Variants in RUNDC3B observed in about 807,000 individuals in gnomAD.
RUNDC3B encodes the protein RUN domain containing 3B.
A neutral mutation model predicts 58.4 loss-of-function variants in RUNDC3B; 33 were observed. That is an observed-to-expected ratio of 0.56 (90% CI 0.43 to 0.75). The LOEUF is 0.75. Ranked by LOEUF, RUNDC3B falls within the 30% of genes least tolerant of loss-of-function variation. RUNDC3B has a pLI of 0.00. For synonymous variants in RUNDC3B, 193 were observed against 195.2 expected (o/e 0.99, Z 0.10); for missense variants, 501 against 535.7 (o/e 0.94, Z 0.64).
At chr7:87,730,187 T>C (rs1831495274) in intron 4 of RUNDC3B, among the ~76,000 whole-genome samples, 1 of 152,216 alleles carries the variant, frequency 6.6e-6, no homozygotes, top group Admixed American at 6.5e-5. Context: ...AGACTCCTTC[T>C]GGTTGAGAAA....
chr7:87,790,163 C>T (rs1003512259), intron 8 of RUNDC3B, among the ~76,000 whole-genome samples: 1 of 152,198 alleles, frequency 6.6e-6, no homozygotes, highest in African/African-American at 2.4e-5. Context: ...ACCCCCAGTT[C>T]CAGGTGGCTG....
chr7:87,745,278 C>A (rs1358284603), intron 6 of RUNDC3B, among the ~76,000 whole-genome samples: 4 of 152,054 alleles, frequency 2.6e-5, no homozygotes, highest in Non-Finnish European at 5.9e-5. Context: ...CTGTAGTTTT[C>A]TTTTTTGATT....
chr7:87,819,182 A>C (rs1837260109), intron 10 of RUNDC3B, among the ~76,000 whole-genome samples: 1 of 152,182 alleles, frequency 6.6e-6, no homozygotes, highest in South Asian at 2.1e-4. Context: ...ATTATTCAGT[A>C]AGATTAACAA....
chr7:87,733,726 A>G (rs1831742973), intron 4 of RUNDC3B, among the ~76,000 whole-genome samples: 1 of 152,152 alleles, frequency 6.6e-6, no homozygotes, highest in Non-Finnish European at 1.5e-5. Context: ...GATCTTTAAC[A>G]TGTGCAGTTC....
At chr7:87,755,177 C>A (rs1166063119) in intron 6 of RUNDC3B, among the ~76,000 whole-genome samples, 1 of 151,944 alleles carries the variant, frequency 6.6e-6, no homozygotes, top group Non-Finnish European at 1.5e-5. Flanking sequence ...TGCACACCAC[C>A]ACACCTGGCT....
intron 10 of RUNDC3B, among the ~76,000 whole-genome samples, chr7:87,822,230 C>T (rs1190334779): frequency 2.6e-5 from 4 of 152,064 alleles, no homozygotes; most frequent in African/African-American, 9.7e-5. Context: ...GGGCGAAGGA[C>T]ATGAACAGAC....
intron 4 of RUNDC3B, among the ~76,000 whole-genome samples, chr7:87,728,508 A>C (rs1413105289): frequency 6.6e-6 from 1 of 152,148 alleles, no homozygotes; most frequent in Non-Finnish European, 1.5e-5. Context: ...GGGAGAATTA[A>C]TTTCTTGCCT....
chr7:87,772,819 T>C (rs1834354413), intron 7 of RUNDC3B, among the ~76,000 whole-genome samples: 2 of 152,230 alleles, frequency 1.3e-5, no homozygotes, highest in African/African-American at 4.8e-5. Flanking sequence ...GATAAACTCT[T>C]AGATTTTTTG....
rs1226549428 is a variant in RUNDC3B at position 87,628,572 on chromosome 7, GGTGCGTGC to G, written c.-244_-237del. The G allele has an allele frequency of 3.1e-5, 10 of 326,796 alleles. No individual in the cohort carries two copies. Among genetic ancestry groups the G allele is most frequent in the African/African-American group, 1.6e-4 (7 of 43,096 alleles). 20.2% of individuals were successfully genotyped at this position (326,796 alleles called of 1,614,324 possible). On this transcript the variant is annotated 5_prime_UTR_variant, in exon 1 of 11. Coordinates refer to ENST00000394654, the MANE Select transcript of RUNDC3B (RefSeq NM_001134405.2). ...TCGGCGGCGCGCCGAGGGCGGAGGTGGTGCGTGCGTGCGTGTGTGTGTGTGTGTGTGTG... is the reference window on the plus strand; with the variant it reads ...TCGGCGGCGCGCCGAGGGCGGAGGTGGTGCGTGTGTGTGTGTGTGTGTGTG...
In RUNDC3B at chr7:87,778,205, G is replaced by C. The variant is rs2285648; in HGVS notation, c.956+250G>C. ...TATCTGTAATCCCCCCACTGGGGAG[G>C]CTGAGTTGGGCAGATTGCTTGGGCC... On this transcript the variant is annotated intron_variant, in intron 8 of 10. Transcript: ENST00000394654. Among the ~76,000 whole-genome samples the C allele has an allele frequency of 3.2e-3, 481 of 152,278 alleles. 6 individuals are homozygous for C. In the East Asian group the frequency reaches 0.049, roughly 16 times the overall value.
At chr7:87,823,056 A>T (rs79726764) in intron 10 of RUNDC3B, among the ~76,000 whole-genome samples, 16,032 of 151,338 alleles carry the variant, frequency 0.11, 1,078 homozygotes, top group African/African-American at 0.19. Flanking sequence ...AAATAAAATT[A>T]AAAAAAAAGA....
At chr7:87,714,718 A>G (rs1012526866) in intron 4 of RUNDC3B, among the ~76,000 whole-genome samples, 1 of 152,118 alleles carries the variant, frequency 6.6e-6, no homozygotes, top group Non-Finnish European at 1.5e-5. Context: ...TAGAAGAGCC[A>G]TGGCAAGATG....
intron 4 of RUNDC3B, among the ~76,000 whole-genome samples, chr7:87,725,189 CATTAACTTGTCATTTACATTAGGTA>C (rs1424318426): frequency 1.3e-5 from 2 of 152,120 alleles, no homozygotes; most frequent in Non-Finnish European, 2.9e-5. Context: ...GTGCTGCACC[CATTAACTTGTCATTTACATTAGGTA>C]TATCTCCTAA....
rs1833992285 is a variant in RUNDC3B at position 87,766,612 on chromosome 7, T to C, written c.630-3969T>C. On this transcript the variant is annotated intron_variant, in intron 6 of 10. Transcript: ENST00000394654. The stretch of plus-strand genomic sequence containing the variant: ...CATAAGGTTTCTTCTGAGAAGTCTG[T>C]TGTTAATCTGATAGAATTTCCTTTA... Among the ~76,000 whole-genome samples, 3 of 152,218 alleles carry C rather than the reference T, an allele frequency of 2.0e-5. No homozygotes were observed. The South Asian group carries it at 6.2e-4, about 32-fold the overall frequency.
At chr7:87,729,088 T>C (rs755504635) in intron 4 of RUNDC3B, among the ~76,000 whole-genome samples, 6 of 152,208 alleles carry the variant, frequency 3.9e-5, no homozygotes, top group Non-Finnish European at 8.8e-5. Flanking sequence ...TTCAATATAA[T>C]AACTTCCATG....
intron 4 of RUNDC3B, among the ~76,000 whole-genome samples, chr7:87,715,289 A>T (rs946933476): frequency 2.4e-5 from 3 of 127,324 alleles, no homozygotes; most frequent in Non-Finnish European, 4.8e-5. Context: ...ATATATAATT[A>T]ATTTATAATA....
At chr7:87,676,703 CAAA>C (rs57480483) in intron 2 of RUNDC3B, among the ~76,000 whole-genome samples, 16 of 45,432 alleles carry the variant, frequency 3.5e-4, no homozygotes, top group South Asian at 8.3e-4. Flanking sequence ...GACCCTGTCT[CAAA>C]AAAAAAAAAA....
chr7:87,824,397 G>A (rs1368634905), intron 10 of RUNDC3B, among the ~76,000 whole-genome samples: 1 of 152,180 alleles, frequency 6.6e-6, no homozygotes, highest in East Asian at 1.9e-4. Context: ...CATGTGAGAT[G>A]TGCCTTTCAC....
At chr7:87,747,641 T>C (rs1166740861) in intron 6 of RUNDC3B, among the ~76,000 whole-genome samples, 1 of 152,074 alleles carries the variant, frequency 6.6e-6, no homozygotes, top group Non-Finnish European at 1.5e-5. Context: ...CAGACTCTCC[T>C]TGGGCGGGTC....
Sources: gnomAD v4.1 joint callset for allele counts (sites outside exome capture counted in the v4.1 genomes callset) on GRCh38, gnomAD v4.1.1 for gene constraint, MANE v1.5 for transcripts, NCBI Gene and HGNC (gene_info 2026-07-23, HGNC 2026-07-21) for gene names.